Variants in ASAP1 observed in about 807,000 individuals in gnomAD.
ASAP1 encodes arf-GAP with SH3 domain, ANK repeat and PH domain-containing protein 1.
A neutral mutation model predicts 145.2 loss-of-function variants in ASAP1; 43 were observed. The observed-to-expected ratio is 0.30, with a 90% CI of 0.23 to 0.38. ASAP1 has a LOEUF of 0.38. ASAP1 is among the 10% of genes least tolerant of loss of function. ASAP1 has a pLI of 1.00. For synonymous variants in ASAP1, 546 were observed against 515.5 expected, an observed-to-expected ratio of 1.06 and a Z score of -0.80; for missense variants, 1,018 against 1,355.3, an observed-to-expected ratio of 0.75 and a Z score of 3.91.
intron 25 of ASAP1, chr8:130,084,899 C>T (rs2097489388): frequency 2.0e-5 from 3 of 152,142 alleles, no homozygotes; most frequent in Admixed American, 2.0e-4. Context: ...GAAATATAAG[C>T]AGTAAACCAA....
At chr8:130,159,494 C>T (rs774769423) in intron 12 of ASAP1, among the ~76,000 whole-genome samples, 5 of 146,630 alleles carry the variant, frequency 3.4e-5, no homozygotes, top group Non-Finnish European at 4.5e-5. Flanking sequence ...TGGTGGCAGG[C>T]GCCTGCAGTC....
chr8:130,184,897 C>T (rs1391969860), intron 7 of ASAP1, among the ~76,000 whole-genome samples: 12 of 152,122 alleles, frequency 7.9e-5, no homozygotes, highest in Admixed American at 7.9e-4. Flanking sequence ...TATTATTTTA[C>T]AAGTAAGGAT....
intron 3 of ASAP1, among the ~76,000 whole-genome samples, chr8:130,307,609 C>T (rs1823071945): frequency 6.6e-6 from 1 of 152,210 alleles, no homozygotes; most frequent in South Asian, 2.1e-4. Context: ...GAGAAAGATA[C>T]ACATCATCTG....
At chr8:130,274,860 G>C (rs1317477601) in intron 3 of ASAP1, among the ~76,000 whole-genome samples, 1 of 152,216 alleles carries the variant, frequency 6.6e-6, no homozygotes, top group African/African-American at 2.4e-5. Flanking sequence ...ACCTACTGTA[G>C]TTCTTATTTC....
At chr8:130,286,132 A>C (rs181882458) in intron 3 of ASAP1, among the ~76,000 whole-genome samples, 5 of 152,334 alleles carry the variant, frequency 3.3e-5, no homozygotes, top group East Asian at 1.9e-4. Context: ...GAAGAAAAGA[A>C]GGCTCAGGGC....
intron 17 of ASAP1, 69 bp from the exon 18 acceptor site, chr8:130,124,173 T>G: frequency 3.6e-6 from 4 of 1,125,520 alleles, no homozygotes; most frequent in Non-Finnish European, 5.2e-6. Flanking sequence ...TCTCCTATTA[T>G]TTGTTTTTGA....
intron 1 of ASAP1, among the ~76,000 whole-genome samples, chr8:130,442,136 A>G (rs932242270): frequency 2.6e-5 from 4 of 152,226 alleles, no homozygotes; most frequent in African/African-American, 9.6e-5. Context: ...ATAAGTGCAT[A>G]TCTCAAAAAT....
chr8:130,149,289 C>T (rs1468809977), intron 13 of ASAP1, among the ~76,000 whole-genome samples: 1 of 150,164 alleles, frequency 6.7e-6, no homozygotes, highest in African/African-American at 2.5e-5. Context: ...ACTGTTATAG[C>T]AAATTCAGAG....
At chr8:130,273,144 A>G (rs1820681028) in intron 3 of ASAP1, among the ~76,000 whole-genome samples, 1 of 152,212 alleles carries the variant, frequency 6.6e-6, no homozygotes, top group Non-Finnish European at 1.5e-5. Flanking sequence ...ATCAATAAGA[A>G]CAGAGGGGCT....
At chr8:130,269,751 T>A (rs1043719097) in intron 3 of ASAP1, among the ~76,000 whole-genome samples, 1 of 152,198 alleles carries the variant, frequency 6.6e-6, no homozygotes, top group African/African-American at 2.4e-5. Context: ...GGCCTCTGGA[T>A]TCATGCAAGG....
intron 3 of ASAP1, among the ~76,000 whole-genome samples, chr8:130,336,611 G>A (rs1343868909): frequency 3.9e-5 from 6 of 152,250 alleles, no homozygotes; most frequent in East Asian, 1.9e-4. Flanking sequence ...GAATGGTGTC[G>A]GCATCTATCA....
chr8:130,261,142 G>A (rs1819871595), intron 3 of ASAP1, among the ~76,000 whole-genome samples: 1 of 152,194 alleles, frequency 6.6e-6, no homozygotes, highest in Non-Finnish European at 1.5e-5. Flanking sequence ...TGGCCCCTCA[G>A]CTCCTGCATG....
At chr8:130,271,182 G>A (rs936902941) in intron 3 of ASAP1, among the ~76,000 whole-genome samples, 6 of 152,132 alleles carry the variant, frequency 3.9e-5, no homozygotes, top group African/African-American at 1.4e-4. Flanking sequence ...GGGGCTGCTC[G>A]CTCCTAAAAC....
At chr8:130,086,384 C>T (rs1167558747) in intron 25 of ASAP1, among the ~76,000 whole-genome samples, 1 of 152,224 alleles carries the variant, frequency 6.6e-6, no homozygotes, top group Non-Finnish European at 1.5e-5. Context: ...CAACACAATG[C>T]CCAGCACTCT....
chr8:130,252,289 T>C (rs1363834457), intron 3 of ASAP1, among the ~76,000 whole-genome samples: 2 of 152,212 alleles, frequency 1.3e-5, no homozygotes, highest in South Asian at 4.1e-4. Context: ...ATGTAAATTA[T>C]CTAGAACTGT....
intron 11 of ASAP1, among the ~76,000 whole-genome samples, chr8:130,163,786 A>C (rs1252435301): frequency 3.3e-5 from 5 of 152,252 alleles, no homozygotes; most frequent in Non-Finnish European, 7.3e-5. Context: ...TTCAGGAAAC[A>C]GAAAAACTCA....
intron 27 of ASAP1, among the ~76,000 whole-genome samples, chr8:130,073,003 T>C (rs1368263391): frequency 6.6e-6 from 1 of 151,328 alleles, no homozygotes; most frequent in Admixed American, 6.6e-5. Flanking sequence ...TGATGATTGT[T>C]GTGATGTGAG....
intron 5 of ASAP1, among the ~76,000 whole-genome samples, chr8:130,201,362 C>T (rs1054833199): frequency 6.6e-6 from 1 of 152,090 alleles, no homozygotes; most frequent in Admixed American, 6.5e-5. Flanking sequence ...TCGGGACTGA[C>T]AAGACTGAAT....
chr8:130,128,095 T>G lies in ASAP1; in HGVS notation c.1218-5A>C. ...TTTGTCAATACTGATATCCATCTGT[T>G]GGTAAAAACATAAGAGGAAAAAAGT... On this transcript the variant is annotated splice_region_variant and splice_polypyrimidine_tract_variant and intron_variant, in intron 15 of 29. Coordinates refer to ENST00000518721, the MANE Select transcript of ASAP1 (RefSeq NM_018482.4). The G allele has an allele frequency of 6.6e-7, 1 of 1,523,426 alleles. No homozygotes were observed. Among genetic ancestry groups the G allele is most frequent in the Non-Finnish European group, 8.8e-7 (1 of 1,137,638 alleles). The allele number at this position is 1,523,426 out of a possible 1,614,324, so 94.4% of individuals were successfully genotyped here.
Sources: allele counts gnomAD v4.1 joint callset (sites outside exome capture counted in the v4.1 genomes callset), GRCh38; gene constraint gnomAD v4.1.1; transcripts MANE v1.5; gene names NCBI Gene and HGNC (gene_info 2026-07-23, HGNC 2026-07-21).